Variants in KLC4 observed in about 807,000 individuals in gnomAD.
KLC4 encodes kinesin-like protein 8.
A neutral mutation model predicts 77.2 loss-of-function variants in KLC4; 49 were observed. That is an observed-to-expected ratio of 0.63 (90% CI 0.50 to 0.80). KLC4 has a LOEUF of 0.80. Ranked by LOEUF, KLC4 falls within the 30% of genes least tolerant of loss-of-function variation. The probability of loss-of-function intolerance (pLI) is 0.00; values close to 1 mark genes in which losing one functional copy is unlikely to be tolerated. For synonymous variants in KLC4, 274 were observed against 314.5 expected (o/e 0.87, Z 1.36); for missense variants, 669 against 793.5 (o/e 0.84, Z 1.89).
chr6:43,067,101 TCCCCACCCCAC>T lies in KLC4; in HGVS notation c.879+19_879+29del. On this transcript the variant is annotated intron_variant, in intron 6 of 15. Transcript: ENST00000347162. ...ATCCTGCTGTCAGTATTCCTTGCCC[TCCCCACCCCAC>T]GCCCCGCACCCCCCACCATTGCTGT... 6.3e-7 allele frequency: 1 copy of T among 1,584,716 alleles called. No individual in the cohort carries two copies. Among genetic ancestry groups the T allele is most frequent in the Non-Finnish European group, 8.7e-7 (1 of 1,155,632 alleles).
intron 10 of KLC4, 112 bp from the exon 11 acceptor site, chr6:43,071,740 C>A: frequency 7.0e-7 from 1 of 1,430,544 alleles, no homozygotes; most frequent in Non-Finnish European, 9.7e-7. Flanking sequence ...TGCATGGTGT[C>A]CTCCCCAGCC....
intron 4 of KLC4, among the ~76,000 whole-genome samples, chr6:43,065,955 C>G (rs1223747648): frequency 6.6e-6 from 1 of 152,180 alleles, no homozygotes; most frequent in East Asian, 1.9e-4. Flanking sequence ...ATAGGTCTTA[C>G]CAGTAAGGAG....
chr6:43,074,298 G>A, intron 15 of KLC4: 2 of 453,560 alleles, frequency 4.4e-6, no homozygotes, highest in Admixed American at 7.7e-5. Context: ...TAGTAGATGA[G>A]AATGGAAAAA....
At position 43,067,888 on chromosome 6, in the gene KLC4, G is replaced by A. The variant is rs553785874; in HGVS notation, c.879+805G>A. On this transcript the variant is annotated intron_variant, in intron 6 of 15. Coordinates refer to ENST00000347162, the MANE Select transcript of KLC4 (RefSeq NM_201521.3). ...AGCACTTTGGGAGGCCGAGGCGGGC[G>A]GATCACGAGGTCAGGAGATCGAGAC... is the stretch of plus-strand genomic sequence containing the variant. Among the ~76,000 whole-genome samples, 29 of 114,592 alleles carry A rather than the reference G, an allele frequency of 2.5e-4. 1 individual carries two copies. The highest frequency in any genetic ancestry group is 4.7e-3 in the Middle Eastern group (1 of 212). 75.2% of individuals were successfully genotyped at this position (114,592 alleles called of 152,430 possible).
At chr6:43,069,398 C>A (rs1688445221) in intron 6 of KLC4, among the ~76,000 whole-genome samples, 1 of 151,702 alleles carries the variant, frequency 6.6e-6, no homozygotes, top group South Asian at 2.1e-4. Flanking sequence ...GTACGTGCTA[C>A]CACGCCAGGC....
In KLC4 at chr6:43,070,407, C is replaced by G; in HGVS notation, c.933C>G (p.Tyr311Ter). The change falls in exon 7 of 16, where the codon TAC (tyrosine) becomes TAG (stop). Residue 311 changes from tyrosine (Y) to a stop codon, truncating the protein, a stop_gained. Coordinates refer to ENST00000347162, the MANE Select transcript of KLC4 (RefSeq NM_201521.3). LOFTEE classifies it high-confidence loss of function. ...TGCTCTATGGCAAAAGGGGCAAGTA[C>G]AAGGAGGCAGAGCCTCTGTGCCAGC... ...LAVLYGKRGK[Y>*]KEAEPLCQRA... 6.2e-7 allele frequency: 1 copy of G among 1,614,162 alleles called. No homozygotes were observed. Among genetic ancestry groups the G allele is most frequent in the Non-Finnish European group, 8.5e-7 (1 of 1,179,982 alleles).
At chr6:43,068,146 A>G (rs1212088810) in intron 6 of KLC4, among the ~76,000 whole-genome samples, 2 of 146,142 alleles carry the variant, frequency 1.4e-5, no homozygotes, top group Non-Finnish European at 1.5e-5. Context: ...AAAAGAAAAT[A>G]TAGGTGGACA....
At chr6:43,072,674 GA>G (rs1765788558) in intron 12 of KLC4, 149 bp from the exon 13 acceptor site, 1 of 690,614 alleles carries the variant, frequency 1.4e-6, no homozygotes, top group South Asian at 1.9e-5. Context: ...ATTGCAAATA[GA>G]AAAGGTAAGT....
intron 4 of KLC4, among the ~76,000 whole-genome samples, 172 bp downstream of exon 4, chr6:43,065,873 C>T (rs1355610263): frequency 6.6e-6 from 1 of 152,156 alleles, no homozygotes; most frequent in African/African-American, 2.4e-5. Flanking sequence ...CCCCATTGAA[C>T]GAACATGTAT....
chr6:43,070,194 A>G (rs552597821), intron 6 of KLC4, among the ~76,000 whole-genome samples, 160 bp from the exon 7 acceptor site: 4 of 152,022 alleles, frequency 2.6e-5, no homozygotes, highest in African/African-American at 4.8e-5. Context: ...CATCCTGTTC[A>G]GCAATTTCCC....
At chr6:43,070,225 C>T (rs1447024555) in intron 6 of KLC4, 129 bp from the exon 7 acceptor site, 10 of 608,810 alleles carry the variant, frequency 1.6e-5, no homozygotes, top group Admixed American at 2.8e-5. Flanking sequence ...CCCCTGGCTC[C>T]AGGGTAGTAG....
chr6:43,072,879 G>T lies in KLC4; in HGVS notation c.1544G>T (p.Gly515Val). The T allele has an allele frequency of 6.2e-7, 1 of 1,613,564 alleles. No individual in the cohort carries two copies. The highest frequency in any genetic ancestry group is 8.5e-7 in the Non-Finnish European group (1 of 1,179,722). ...GCAGAGCTGCTTGGGGAGAGTGATG[G>T]TAGAAGGACCTCCCAGGAGGGCCCT... ...KVAELLGESD[G>V]RRTSQEGPGD... Residue 515 changes from glycine (G) to valine (V), a missense_variant, in exon 13 of 16, where the codon GGT (glycine) becomes GTT (valine). Coordinates refer to ENST00000347162, the MANE Select transcript of KLC4 (RefSeq NM_201521.3).
At chr6:43,068,153 G>A (rs1462567024) in intron 6 of KLC4, among the ~76,000 whole-genome samples, 3 of 147,294 alleles carry the variant, frequency 2.0e-5, no homozygotes, top group Non-Finnish European at 4.5e-5. Flanking sequence ...AATATAGGTG[G>A]ACACTTTATT....
chr6:43,071,628 G>C lies in KLC4; in HGVS notation c.1308+9G>C. On this transcript the variant is annotated intron_variant, in intron 10 of 15. Transcript: ENST00000347162. ...GGGAGGAAATGAGCAAAGTGAGTGG[G>C]GGGAAGGGGGGCCAGCCTGGGGAGC... The C allele has an allele frequency of 6.2e-7, 1 of 1,613,376 alleles. No individual in the cohort carries two copies. Among genetic ancestry groups the C allele is most frequent in the East Asian group, 2.2e-5 (1 of 44,874 alleles).
At chr6:43,073,656 AAAG>A in intron 14 of KLC4, 1 of 562,260 alleles carries the variant, frequency 1.8e-6, no homozygotes, top group Non-Finnish European at 3.1e-6. Flanking sequence ...TCAAAAAAAA[AAAG>A]AAAAAAAAAA....
chr6:43,067,333 T>C (rs1179387002), intron 6 of KLC4: 6 of 744,876 alleles, frequency 8.1e-6, no homozygotes, highest in Admixed American at 7.7e-5. Context: ...CATAGGTAAA[T>C]CCACATATGA....
rs200624962 is a variant in KLC4 at position 43,070,783 on chromosome 6, G to A, written c.1073G>A (p.Arg358His). The change falls in exon 8 of 16, where the codon CGC becomes CAC. Residue 358 changes from arginine (R) to histidine (H), a missense_variant. Transcript: ENST00000347162. ...CAGGGCAAGTATGAGGCCGTGGAACGCTACTACCAGCGAGCACTGGCCATC... is the reference window on the plus strand; with the variant it reads ...CAGGGCAAGTATGAGGCCGTGGAACACTACTACCAGCGAGCACTGGCCATC... ...QNQGKYEAVE[R>H]YYQRALAIYE... is the part of the protein sequence containing the mutation. 2.7e-5 allele frequency: 43 copies of A among 1,614,076 alleles called. No individual in the cohort carries two copies. Among genetic ancestry groups the A allele is most frequent in the African/African-American group, 2.3e-4 (17 of 75,026 alleles).
At chr6:43,073,034 A>G (rs1053267657) in intron 13 of KLC4, 70 bp downstream of exon 13, 2 of 1,518,422 alleles carry the variant, frequency 1.3e-6, no homozygotes, top group Admixed American at 2.2e-5. Flanking sequence ...GCTCTTGGCC[A>G]TGCTGTCCCA....
Position 43,073,888 on chromosome 6 carries a change from G to A in KLC4, c.1746-14G>A, listed in dbSNP as rs200769828. The A allele has an allele frequency of 2.0e-5, 33 of 1,613,952 alleles. No homozygotes were observed. The highest frequency in any genetic ancestry group is 5.5e-5 in the South Asian group (5 of 91,082). ...GAAGAGAGGAGGCCTCAATTCTTCC[G>A]TTTTCCATTGTAGCAGCAACATGAA... On this transcript the variant is annotated splice_polypyrimidine_tract_variant and intron_variant, in intron 14 of 15. Transcript: ENST00000347162.
Sources: gnomAD v4.1 joint callset for allele counts (sites outside exome capture counted in the v4.1 genomes callset) on GRCh38, gnomAD v4.1.1 for gene constraint, MANE v1.5 for transcripts, NCBI Gene and HGNC (gene_info 2026-07-23, HGNC 2026-07-21) for gene names.